The following PDE1A variants were observed in gnomAD, a reference collection of about 807,000 sequenced individuals.
PDE1A encodes the protein phosphodiesterase 1A, also known as dual specificity calcium/calmodulin-dependent 3',5'-cyclic nucleotide phosphodiesterase 1A.
In PDE1A, 35 loss-of-function variants were observed where a neutral mutation model predicts 61.7. The observed-to-expected ratio is 0.57, with a 90% CI of 0.43 to 0.75. The LOEUF (loss-of-function observed/expected upper bound fraction) is 0.75. Among genes scored for constraint, PDE1A ranks in the 30% least tolerant of loss-of-function variants. The pLI is 0.00. For synonymous variants in PDE1A, 232 were observed against 213.2 expected (o/e 1.09, Z -0.77); for missense variants, 597 against 630.6 (o/e 0.95, Z 0.57).
At chr2:182,449,091 A>C (rs192032034) in intron 2 of PDE1A, among the ~76,000 whole-genome samples, 271 of 100,024 alleles carry the variant, frequency 2.7e-3, no homozygotes, top group South Asian at 0.011. Flanking sequence ...CACACAAACA[A>C]AACCCAGGAA....
chr2:182,639,291 G>T, the PDE1A span, among the ~76,000 whole-genome samples: 1 of 152,172 alleles, frequency 6.6e-6, no homozygotes, highest in Non-Finnish European at 1.5e-5. Flanking sequence ...AGAAAGTGAG[G>T]ATTAAAATAA....
At chr2:182,279,815 T>C (rs2125846432) in intron 1 of PDE1A, among the ~76,000 whole-genome samples, 1 of 152,116 alleles carries the variant, frequency 6.6e-6, no homozygotes, top group African/African-American at 2.4e-5. Flanking sequence ...TCCTACCCTA[T>C]GTTCTGCTCA....
At chr2:182,650,670 G>A in the PDE1A span, among the ~76,000 whole-genome samples, 1 of 152,162 alleles carries the variant, frequency 6.6e-6, no homozygotes, top group Admixed American at 6.5e-5. Context: ...ATGTCATAAA[G>A]TAATGTAGGG....
At chr2:182,635,698 C>CTCTCCCTA in the PDE1A span, among the ~76,000 whole-genome samples, 1,414 of 147,566 alleles carry the variant, frequency 9.6e-3, 24 homozygotes, top group Admixed American at 0.048. Flanking sequence ...CTCTCTCTCT[C>CTCTCCCTA]TCCACATATG....
At chr2:182,676,563 T>C in the PDE1A span, among the ~76,000 whole-genome samples, 7 of 152,070 alleles carry the variant, frequency 4.6e-5, no homozygotes, top group East Asian at 1.3e-3. Context: ...CCCAACTCAC[T>C]GGGAGGCCAG....
chr2:182,279,455 T>G (rs890064453), intron 1 of PDE1A, among the ~76,000 whole-genome samples: 45 of 151,948 alleles, frequency 3.0e-4, no homozygotes, highest in African/African-American at 1.0e-3. Flanking sequence ...ATGGACCAGA[T>G]TTTTAAAATC....
the PDE1A span, among the ~76,000 whole-genome samples, chr2:182,640,938 T>G: frequency 1.2e-4 from 18 of 144,824 alleles, no homozygotes; most frequent in Admixed American, 3.0e-4. Flanking sequence ...GAGAATTGCT[T>G]GAACCTGGTA....
intron 1 of PDE1A, among the ~76,000 whole-genome samples, chr2:182,421,037 C>T (rs371306532): frequency 6.6e-6 from 1 of 152,142 alleles, no homozygotes; most frequent in Admixed American, 6.5e-5. Context: ...TATTCCATCT[C>T]TACATACCTA....
At chr2:182,272,991 G>A (rs1693144798) in intron 1 of PDE1A, among the ~76,000 whole-genome samples, 1 of 152,046 alleles carries the variant, frequency 6.6e-6, no homozygotes, top group Non-Finnish European at 1.5e-5. Flanking sequence ...GGAAGTTGAT[G>A]AAGTTAATGT....
At chr2:182,205,247 A>G (rs1456878550) in intron 8 of PDE1A, among the ~76,000 whole-genome samples, 1 of 152,176 alleles carries the variant, frequency 6.6e-6, no homozygotes, top group Admixed American at 6.5e-5. Context: ...TCTATGATTA[A>G]TGAAGTTCAT....
intron 2 of PDE1A, among the ~76,000 whole-genome samples, chr2:182,451,849 C>T (rs1339913644): frequency 6.6e-6 from 1 of 152,132 alleles, no homozygotes; most frequent in Non-Finnish European, 1.5e-5. Flanking sequence ...CTGCTCTGCA[C>T]TGCTTTCCTC....
intron 10 of PDE1A, among the ~76,000 whole-genome samples, chr2:182,190,484 C>T (rs892788507): frequency 3.3e-5 from 5 of 152,172 alleles, no homozygotes; most frequent in Admixed American, 2.6e-4. Context: ...AGACACAGCA[C>T]AGCCTTTGCT....
chr2:182,402,006 G>A (rs111641366), intron 1 of PDE1A, among the ~76,000 whole-genome samples: 32 of 152,062 alleles, frequency 2.1e-4, no homozygotes, highest in African/African-American at 6.8e-4. Flanking sequence ...ACAAACCACC[G>A]TTCAAAAAAA....
intron 1 of PDE1A, among the ~76,000 whole-genome samples, chr2:182,339,923 A>G (rs1303012673): frequency 6.6e-6 from 1 of 152,182 alleles, no homozygotes; most frequent in Non-Finnish European, 1.5e-5. Context: ...GGCAAAGGGA[A>G]TGATAATCAT....
chr2:182,333,465 T>C (rs933262580), intron 1 of PDE1A, among the ~76,000 whole-genome samples: 2 of 152,182 alleles, frequency 1.3e-5, no homozygotes, highest in Non-Finnish European at 2.9e-5. Flanking sequence ...CTGAACAACC[T>C]ACTCCTGAAT....
intron 2 of PDE1A, among the ~76,000 whole-genome samples, chr2:182,493,203 T>G (rs367975964): frequency 2.0e-5 from 3 of 149,676 alleles, no homozygotes; most frequent in East Asian, 4.0e-4. Flanking sequence ...TGCATAAATT[T>G]TAATCGGCAA....
At chr2:182,258,966 T>C (rs1340894061) in intron 2 of PDE1A, among the ~76,000 whole-genome samples, 3 of 152,230 alleles carry the variant, frequency 2.0e-5, no homozygotes, top group Non-Finnish European at 4.4e-5. Flanking sequence ...AGCCACCAGC[T>C]GCCTGCACAA....
downstream of PDE1A, among the ~76,000 whole-genome samples, chr2:182,145,044 T>A (rs1290299415): frequency 6.6e-6 from 1 of 152,320 alleles, no homozygotes; most frequent in East Asian, 1.9e-4. Context: ...ACCCCTCCTG[T>A]TGTTTTTAGA....
At chr2:182,633,402 C>T in the PDE1A span, among the ~76,000 whole-genome samples, 192 of 152,268 alleles carry the variant, frequency 1.3e-3, no homozygotes, top group Non-Finnish European at 8.2e-4. Flanking sequence ...TCGGACTCCC[C>T]ACTAGTCTCA....
Sources: gnomAD v4.1 joint callset for allele counts (sites outside exome capture counted in the v4.1 genomes callset) on GRCh38, gnomAD v4.1.1 for gene constraint, MANE v1.5 for transcripts, NCBI Gene and HGNC (gene_info 2026-07-23, HGNC 2026-07-21) for gene names.